Variants in DUOX1 observed in about 807,000 individuals in gnomAD.
DUOX1 encodes the protein dual oxidase 1, also known as NADPH thyroid oxidase 1.
DUOX1 carries 134 observed loss-of-function variants against 181.8 expected under a neutral mutation model. The ratio of observed to expected loss-of-function variants is 0.74; its 90% CI spans 0.64 to 0.85. DUOX1 has a LOEUF of 0.85. Ranked by LOEUF, DUOX1 falls within the 40% of genes least tolerant of loss-of-function variation. DUOX1 has a pLI of 0.00. For synonymous variants in DUOX1, 798 were observed against 832.5 expected, an observed-to-expected ratio of 0.96 and a Z score of 0.71; for missense variants, 1,814 against 2,064.4, an observed-to-expected ratio of 0.88 and a Z score of 2.35.
intron 9 of DUOX1, 102 bp downstream of exon 9, chr15:45,136,727 G>T: frequency 9.3e-7 from 1 of 1,079,044 alleles, no homozygotes; most frequent in Non-Finnish European, 1.4e-6. Context: ...TCAGTCTGAA[G>T]TGTCCCCAAG....
intron 1 of DUOX1, chr15:45,131,607 A>C: frequency 3.5e-6 from 1 of 284,426 alleles, no homozygotes; most frequent in Non-Finnish European, 6.7e-6. Context: ...CACTCTGCAG[A>C]GTGCTGGGCC....
intron 2 of DUOX1, among the ~76,000 whole-genome samples, chr15:45,133,422 G>A (rs1896203207): frequency 6.6e-6 from 1 of 152,174 alleles, no homozygotes; most frequent in South Asian, 2.1e-4. Flanking sequence ...AGAATGACAT[G>A]TCCTTCTCCG....
Position 45,164,896 on chromosome 15 carries a change from T to G in DUOX1, c.4651T>G (p.Phe1551Val). Residue 1551 changes from phenylalanine to valine, a missense_variant, in exon 34 of 34, where the codon TTC (phenylalanine) becomes GTC (valine). Coordinates refer to ENST00000389037, the MANE Select transcript of DUOX1 (RefSeq NM_175940.3). Reference sequence around the variant, plus strand: ...TCACTTCTCCCACCATTATGAGAACTTCTAGGCCCCTGCCCGGGGGTTCTG... The same window carrying G: ...TCACTTCTCCCACCATTATGAGAACGTCTAGGCCCCTGCCCGGGGGTTCTG... ...RTHFSHHYEN[F>V] 2.5e-6 allele frequency: 4 copies of G among 1,614,116 alleles called. No individual in the cohort carries two copies. Among genetic ancestry groups the G allele is most frequent in the Non-Finnish European group, 2.5e-6 (3 of 1,179,980 alleles).
At position 45,152,310 on chromosome 15, in the gene DUOX1, C is replaced by T. The variant is rs1261178801; in HGVS notation, c.3218C>T (p.Thr1073Met). ...GACTACGCCTTTGCCGCACATCACA[C>T]GGGCATCACAGACACCACCCGCGTG... is the stretch of plus-strand genomic sequence containing the variant. ...AYYYAFAAHH[T>M]GITDTTRVGI... Residue 1073 changes from threonine to methionine, a missense_variant, in exon 25 of 34, where the codon ACG (threonine) becomes ATG (methionine). Thr to Met is a moderately conservative substitution (Grantham distance 81). Coordinates refer to ENST00000389037, the MANE Select transcript of DUOX1 (RefSeq NM_175940.3). 2.5e-6 allele frequency: 4 copies of T among 1,613,904 alleles called. No homozygotes were observed. Among genetic ancestry groups the T allele is most frequent in the East Asian group, 4.5e-5 (2 of 44,886 alleles).
In DUOX1 at chr15:45,152,451, A is replaced by T; in HGVS notation, c.3359A>T (p.Tyr1120Phe). The change falls in exon 25 of 34, where the codon TAC (tyrosine) becomes TTC (phenylalanine). Residue 1120 changes from tyrosine (Y) to phenylalanine (F), a missense_variant. Physicochemically the swap from Tyr to Phe is conservative, Grantham distance 22. Around this residue, in one of 5 missense-constraint regions of DUOX1, gnomAD observed 1,064 missense variants for 1,152.9 expected, o/e 0.92. Transcript: ENST00000389037. ...TFLRETFLNR[Y>F]VPFDAAVDFH... ...CTGCGAGAAACCTTCCTCAACCGCTACGTGCCCTTCGACGCCGCCGTGGAC... is the reference window on the plus strand; with the variant it reads ...CTGCGAGAAACCTTCCTCAACCGCTTCGTGCCCTTCGACGCCGCCGTGGAC... 2 of 1,614,090 alleles carry T rather than the reference A, an allele frequency of 1.2e-6. No individual in the cohort carries two copies. The highest frequency in any genetic ancestry group is 2.2e-5 in the South Asian group (2 of 91,076).
intron 25 of DUOX1, chr15:45,152,956 T>C: frequency 6.4e-6 from 2 of 312,416 alleles, no homozygotes; most frequent in Non-Finnish European, 6.0e-6. Context: ...CGCGGCGGCT[T>C]ATGCCCCTAA....
intron 3 of DUOX1, 49 bp downstream of exon 3, chr15:45,133,996 G>A (rs768809805): frequency 6.3e-7 from 1 of 1,599,568 alleles, no homozygotes; most frequent in Admixed American, 1.7e-5. Context: ...GGGGGGTACT[G>A]AGTGCTGCGG....
intron 17 of DUOX1, among the ~76,000 whole-genome samples, chr15:45,144,595 A>G (rs1896599237): frequency 6.6e-6 from 1 of 152,196 alleles, no homozygotes; most frequent in African/African-American, 2.4e-5. Context: ...ATTTTGGAGG[A>G]GAGCTAAATC....
Position 45,136,421 on chromosome 15 carries a change from G to C in DUOX1, c.925+11G>C, listed in dbSNP as rs375568524. ...TCCCGGAGTATACAGGTGAGGGAGCGGGGAAGGAGGATGGGAGGGCTTGCG... is the reference window on the plus strand; with the variant it reads ...TCCCGGAGTATACAGGTGAGGGAGCCGGGAAGGAGGATGGGAGGGCTTGCG... On this transcript the variant is annotated intron_variant, in intron 8 of 33. Coordinates refer to ENST00000389037, the MANE Select transcript of DUOX1 (RefSeq NM_175940.3). The C allele has an allele frequency of 5.0e-6, 8 of 1,614,064 alleles. No homozygotes were observed. The African/African-American group carries it at 6.7e-5, about 13-fold the overall frequency.
intron 31 of DUOX1, among the ~76,000 whole-genome samples, chr15:45,163,241 G>C (rs1006255848): frequency 6.6e-6 from 1 of 152,188 alleles, no homozygotes; most frequent in Non-Finnish European, 1.5e-5. Flanking sequence ...GGAGCTGTAG[G>C]ACAGGCTGAG....
At chr15:45,143,542 C>T (rs1353472132) in intron 16 of DUOX1, among the ~76,000 whole-genome samples, 5 of 152,148 alleles carry the variant, frequency 3.3e-5, no homozygotes, top group Non-Finnish European at 7.4e-5. Flanking sequence ...AGTGATCTTA[C>T]AGGGTCACTA....
Position 45,148,255 on chromosome 15 carries a change from C to T in DUOX1, c.2643-17C>T, listed in dbSNP as rs778732133. On this transcript the variant is annotated splice_polypyrimidine_tract_variant and intron_variant, in intron 20 of 33. Transcript: ENST00000389037. The stretch of plus-strand genomic sequence containing the variant: ...GGCCCCAGTCAGGGCCGGATGGTTC[C>T]TCTCCCCCAACCCCAGATCCTTCAT... 3.7e-6 allele frequency: 6 copies of T among 1,613,870 alleles called. No individual in the cohort carries two copies. The highest frequency in any genetic ancestry group is 4.2e-6 in the Non-Finnish European group (5 of 1,180,026).
intron 30 of DUOX1, 97 bp downstream of exon 30, chr15:45,162,067 C>A: frequency 6.8e-7 from 1 of 1,462,908 alleles, no homozygotes; most frequent in Non-Finnish European, 9.3e-7. Context: ...CCTCCCCTCT[C>A]TGCATCTAGA....
In DUOX1 at chr15:45,134,286, G is replaced by T; in HGVS notation, c.284G>T (p.Arg95Leu). The change falls in exon 4 of 34, where the codon CGC becomes CTC. Residue 95 changes from arginine to leucine, a missense_variant. Arg to Leu is a moderately radical substitution (Grantham distance 102). Transcript: ENST00000389037. Reference protein sequence around the residue: ...GPAGLASLRNRTVLGVFFGYH... With the variant: ...GPAGLASLRNLTVLGVFFGYH... ...GCAGGGCTGGCCTCCCTGAGAAACC[G>T]CACAGTGTTGGGGGTCTTCTTTGGT... The T allele has an allele frequency of 6.2e-7, 1 of 1,603,366 alleles. No homozygotes were observed.
chr15:45,143,115 A>G (rs1896551036), intron 15 of DUOX1, 75 bp from the exon 16 acceptor site: 1 of 1,123,388 alleles, frequency 8.9e-7, no homozygotes, highest in Non-Finnish European at 1.3e-6. Context: ...ATTGCCAGGT[A>G]AGGAGCTGAG....
intron 1 of DUOX1, among the ~76,000 whole-genome samples, chr15:45,130,822 C>T (rs1052971647): frequency 1.3e-5 from 2 of 152,062 alleles, no homozygotes; most frequent in African/African-American, 4.8e-5. Flanking sequence ...ATGGTGGTGG[C>T]GGGGGAGGGG....
intron 4 of DUOX1, 32 bp downstream of exon 4, chr15:45,134,341 G>C: frequency 6.4e-7 from 1 of 1,563,680 alleles, no homozygotes; most frequent in Non-Finnish European, 8.6e-7. Context: ...GAAGGAAGCC[G>C]GTGGGGTCGG....
Position 45,144,910 on chromosome 15 carries a change from T to A in DUOX1, c.2152T>A (p.Leu718Met), listed in dbSNP as rs368978619. 377 of 1,611,556 alleles carry A rather than the reference T, an allele frequency of 2.3e-4. No homozygotes were observed. The highest frequency in any genetic ancestry group is 3.1e-4 in the Non-Finnish European group (366 of 1,179,112). ...KEYDLVLLFN[L>M]EEERQALVEN... Reference sequence around the variant, plus strand: ...GCCCCCTTAGGTGCTGCTGTTTAACTTGGAGGAAGAGCGGCAGGCGCTGGT... The same window carrying A: ...GCCCCCTTAGGTGCTGCTGTTTAACATGGAGGAAGAGCGGCAGGCGCTGGT... Residue 718 changes from leucine to methionine, a missense_variant, in exon 18 of 34, where the codon TTG (leucine) becomes ATG (methionine). Leu to Met is a conservative substitution (Grantham distance 15, BLOSUM62 2). Around this residue, in one of 5 missense-constraint regions of DUOX1, gnomAD observed 1,064 missense variants for 1,152.9 expected, o/e 0.92. Coordinates refer to ENST00000389037, the MANE Select transcript of DUOX1 (RefSeq NM_175940.3).
At chr15:45,145,656 C>T (rs1456444068) in intron 18 of DUOX1, among the ~76,000 whole-genome samples, 1 of 152,154 alleles carries the variant, frequency 6.6e-6, no homozygotes, top group Non-Finnish European at 1.5e-5. Flanking sequence ...TGGCTCACAC[C>T]TGTAATCCTA....
Sources: allele counts gnomAD v4.1 joint callset (sites outside exome capture counted in the v4.1 genomes callset), GRCh38; gene constraint gnomAD v4.1.1; regional missense constraint gnomAD v4.1.1; transcripts MANE v1.5; gene names NCBI Gene and HGNC (gene_info 2026-07-23, HGNC 2026-07-21).